Variants in ZHX2 observed in about 807,000 individuals in gnomAD.
The protein encoded by ZHX2 is zinc fingers and homeoboxes protein 2.
Under a neutral mutation model 21.9 loss-of-function variants are expected in ZHX2, and 6 were observed. The ratio of observed to expected loss-of-function variants is 0.27; its 90% CI spans 0.15 to 0.54. The LOEUF (loss-of-function observed/expected upper bound fraction) is 0.54. Among genes scored for constraint, ZHX2 ranks in the 20% least tolerant of loss-of-function variants. The pLI, the probability that ZHX2 is intolerant of heterozygous loss-of-function variation, is 0.95. For missense variants in ZHX2, 908 were observed against 1,090.7 expected, an observed-to-expected ratio of 0.83 and a Z score of 2.36; for synonymous variants, 434 against 437.1, an observed-to-expected ratio of 0.99 and a Z score of 0.09.
chr8:122,891,610 T>A (rs1819982164), intron 2 of ZHX2, among the ~76,000 whole-genome samples: 1 of 152,156 alleles, frequency 6.6e-6, no homozygotes, highest in South Asian at 2.1e-4. Flanking sequence ...CCCATAGGTT[T>A]TGGTATGTTG....
At chr8:122,846,278 G>A (rs546727931) in intron 1 of ZHX2, among the ~76,000 whole-genome samples, 1 of 152,310 alleles carries the variant, frequency 6.6e-6, no homozygotes, top group East Asian at 1.9e-4. Flanking sequence ...AGTGACCTAG[G>A]CACGCACTTT....
chr8:122,797,623 T>TC (rs3832599), intron 1 of ZHX2, among the ~76,000 whole-genome samples: 81,332 of 151,946 alleles, frequency 0.54, 22,062 homozygotes, highest in Admixed American at 0.57. Context: ...TGACACTTAG[T>TC]CAGCGCCGTC....
At chr8:122,970,212 G>T (rs1813686070) in intron 3 of ZHX2, among the ~76,000 whole-genome samples, 1 of 152,224 alleles carries the variant, frequency 6.6e-6, no homozygotes, top group Non-Finnish European at 1.5e-5. Context: ...GCCCAGGGGA[G>T]TTAGCAAGAG....
chr8:122,969,301 C>T (rs1813662695), intron 3 of ZHX2, among the ~76,000 whole-genome samples: 1 of 152,058 alleles, frequency 6.6e-6, no homozygotes, highest in Admixed American at 6.6e-5. Flanking sequence ...AGATGAGTAA[C>T]TTCTGGAGGT....
rs1307060916 is a variant in ZHX2 at position 122,934,651 on chromosome 8, T to TTCCTTCC, written c.-219-16640_-219-16639insCCTTCCT. Among the ~76,000 whole-genome samples the TTCCTTCC allele has an allele frequency of 7.9e-3, 1,190 of 149,890 alleles. 23 individuals carry two copies. The highest frequency in any genetic ancestry group is 0.027 in the Middle Eastern group (8 of 294). On this transcript the variant is annotated intron_variant, in intron 2 of 3. Transcript: ENST00000314393. ...CCTTCCTTCCTTCCTTCCTTCCTTCTTTATTACCTTCCTTCCTTCCTGCCT... is the reference window on the plus strand; with the variant it reads ...CCTTCCTTCCTTCCTTCCTTCCTTCTTCCTTCCTTATTACCTTCCTTCCTTCCTGCCT...
chr8:122,800,016 C>T (rs1817686348), intron 1 of ZHX2, among the ~76,000 whole-genome samples: 1 of 152,124 alleles, frequency 6.6e-6, no homozygotes, highest in South Asian at 2.1e-4. Flanking sequence ...TGCCACCACA[C>T]CCGGCTGATT....
intron 1 of ZHX2, among the ~76,000 whole-genome samples, chr8:122,783,179 T>C (rs940304417): frequency 2.8e-4 from 42 of 152,142 alleles, no homozygotes; most frequent in Admixed American, 1.2e-3. Context: ...AGTAGGTCTC[T>C]ACCTTCAACT....
In ZHX2 at chr8:122,973,726, T is replaced by G. The variant is rs11989604; in HGVS notation, c.*489T>G. On this transcript the variant is annotated 3_prime_UTR_variant, in exon 4 of 4. Transcript: ENST00000314393. The stretch of plus-strand genomic sequence containing the variant: ...CATTAGTGCCATGATATCTACTGGA[T>G]TTTAAGTAGGGAGACTTTATTTTTA... 2,117 of 152,694 alleles carry G rather than the reference T, an allele frequency of 0.014. 52 individuals carry two copies. The highest frequency in any genetic ancestry group is 0.048 in the African/African-American group (2,009 of 41,534). 9.5% of individuals were successfully genotyped at this position (152,694 alleles called of 1,614,324 possible).
rs998675557 is a variant in ZHX2, at chr8:122,951,991, C to G, written c.481C>G (p.His161Asp). Residue 161 changes from histidine (H) to aspartate (D), a missense_variant, in exon 3 of 4, where the codon CAT becomes GAT. Physicochemically the swap from His to Asp is moderately conservative, Grantham distance 81. Transcript: ENST00000314393. ...GGAACAGTCCATCGAAACCACCAAC[C>G]ATGTCGTGTCCATCACCACCAGTGG... The part of the protein sequence containing the change: ...VLEQSIETTN[H>D]VVSITTSGPG... 42 of 1,613,680 alleles carry G rather than the reference C, an allele frequency of 2.6e-5. No homozygotes were observed. Among genetic ancestry groups the G allele is most frequent in the Non-Finnish European group, 3.4e-5 (40 of 1,179,996 alleles).
intron 2 of ZHX2, among the ~76,000 whole-genome samples, chr8:122,867,415 G>A (rs1819326034): frequency 6.6e-6 from 1 of 152,176 alleles, no homozygotes; most frequent in African/African-American, 2.4e-5. Context: ...TGACCACATG[G>A]CTGAATGCAC....
chr8:122,841,804 G>A (rs1357954702), intron 1 of ZHX2, among the ~76,000 whole-genome samples: 2 of 152,168 alleles, frequency 1.3e-5, no homozygotes, highest in Admixed American at 6.5e-5. Context: ...AAGCGTCTGT[G>A]TGAGATCAGA....
intron 1 of ZHX2, among the ~76,000 whole-genome samples, chr8:122,793,360 G>T (rs1411796922): frequency 6.6e-6 from 1 of 152,176 alleles, no homozygotes; most frequent in Non-Finnish European, 1.5e-5. Flanking sequence ...CCTGACCTGG[G>T]CATCATAAGT....
chr8:122,884,628 T>A (rs1018037696), intron 2 of ZHX2, among the ~76,000 whole-genome samples: 1 of 152,126 alleles, frequency 6.6e-6, no homozygotes, highest in Non-Finnish European at 1.5e-5. Context: ...CCCGCAAGTA[T>A]CGTGGGCGTC....
At chr8:122,941,680 T>G (rs1255431070) in intron 2 of ZHX2, among the ~76,000 whole-genome samples, 1 of 146,218 alleles carries the variant, frequency 6.8e-6, no homozygotes, top group Admixed American at 6.8e-5. Flanking sequence ...AAAAAAAAAA[T>G]GTAGCTGTGA....
chr8:122,831,248 G>A (rs902672529), intron 1 of ZHX2, among the ~76,000 whole-genome samples: 1 of 150,072 alleles, frequency 6.7e-6, no homozygotes, highest in Non-Finnish European at 1.5e-5. Context: ...ATCTTGCCCA[G>A]GTACCTGGCC....
At chr8:122,931,054 A>G (rs1462997914) in intron 2 of ZHX2, among the ~76,000 whole-genome samples, 1 of 152,146 alleles carries the variant, frequency 6.6e-6, no homozygotes, top group Non-Finnish European at 1.5e-5. Flanking sequence ...TCACCTGCCA[A>G]TAACCCCCCA....
intron 2 of ZHX2, among the ~76,000 whole-genome samples, chr8:122,883,453 G>A (rs1252057606): frequency 2.0e-5 from 3 of 152,198 alleles, no homozygotes; most frequent in Non-Finnish European, 4.4e-5. Flanking sequence ...CACTTCTTGA[G>A]AAACTCTAGC....
intron 2 of ZHX2, among the ~76,000 whole-genome samples, chr8:122,876,353 C>A (rs1320216014): frequency 6.6e-6 from 1 of 152,104 alleles, no homozygotes; most frequent in Non-Finnish European, 1.5e-5. Context: ...TTCAGCACCC[C>A]CTCCCCTTAC....
At chr8:122,922,057 G>A (rs555319321) in intron 2 of ZHX2, among the ~76,000 whole-genome samples, 2 of 152,164 alleles carry the variant, frequency 1.3e-5, no homozygotes, top group Non-Finnish European at 2.9e-5. Context: ...GAGGACAGGA[G>A]AGGAGCTGGG....
Sources: allele counts gnomAD v4.1 joint callset (sites outside exome capture counted in the v4.1 genomes callset), GRCh38; gene constraint gnomAD v4.1.1; transcripts MANE v1.5; gene names NCBI Gene and HGNC (gene_info 2026-07-23, HGNC 2026-07-21).